Variants in NECAB2 observed in about 807,000 individuals in gnomAD.
The protein encoded by NECAB2 is N-terminal EF-hand calcium binding protein 2, also known as N-terminal EF-hand calcium-binding protein 2.
Under a neutral mutation model 51.9 loss-of-function variants are expected in NECAB2, and 68 were observed. The observed-to-expected ratio is 1.31, with a 90% CI of 1.08 to 1.60. The LOEUF (loss-of-function observed/expected upper bound fraction) is 1.60, where lower values mean the gene tolerates loss of function less well. NECAB2 is among the 40% of genes most tolerant of loss of function. NECAB2 has a pLI of 0.00. For synonymous variants in NECAB2, 329 were observed against 203.5 expected, an observed-to-expected ratio of 1.62 and a Z score of -5.25; for missense variants, 854 against 490.3, an observed-to-expected ratio of 1.74 and a Z score of -7.00.
intron 5 of NECAB2, among the ~76,000 whole-genome samples, chr16:83,989,635 C>T (rs951396796): frequency 3.9e-5 from 6 of 152,116 alleles, no homozygotes; most frequent in African/African-American, 1.4e-4. Context: ...CCCAACACAG[C>T]ATCATTTTCA....
chr16:84,001,418 C>T (rs1195305596), intron 11 of NECAB2, among the ~76,000 whole-genome samples: 7 of 152,278 alleles, frequency 4.6e-5, no homozygotes, highest in Middle Eastern at 6.8e-3. Flanking sequence ...CCAGTGGGAA[C>T]AGGGGCGGTC....
upstream of NECAB2, chr16:83,965,531 G>A (rs138964906): frequency 4.2e-4 from 680 of 1,612,648 alleles, 4 homozygotes; most frequent in African/African-American, 7.4e-3. Flanking sequence ...CCGGGCCGTG[G>A]ACGACCCTGG....
At chr16:83,996,649 G>C (rs991897480) in intron 8 of NECAB2, among the ~76,000 whole-genome samples, 1 of 152,138 alleles carries the variant, frequency 6.6e-6, no homozygotes, top group Non-Finnish European at 1.5e-5. Context: ...TGGCTTTCGT[G>C]CCTTCAGAGC....
chr16:83,988,423 C>G (rs936542567), intron 5 of NECAB2, among the ~76,000 whole-genome samples: 3 of 152,166 alleles, frequency 2.0e-5, no homozygotes, highest in Admixed American at 6.5e-5. Flanking sequence ...TTAACACTTT[C>G]TCTTCCCTTT....
chr16:83,975,485 G>T (rs1408170478), intron 2 of NECAB2, among the ~76,000 whole-genome samples: 1 of 152,138 alleles, frequency 6.6e-6, no homozygotes, highest in Non-Finnish European at 1.5e-5. Context: ...TGCCTCAGGG[G>T]AGCGGGAGAT....
intron 3 of NECAB2, among the ~76,000 whole-genome samples, chr16:83,980,307 T>C (rs1567667200): frequency 6.6e-6 from 1 of 152,116 alleles, no homozygotes; most frequent in Non-Finnish European, 1.5e-5. Context: ...TTCACTGCCA[T>C]GGGGGATAGG....
intron 7 of NECAB2, 58 bp from the exon 8 acceptor site, chr16:83,994,551 C>T (rs968870089): frequency 1.9e-6 from 3 of 1,607,766 alleles, no homozygotes; most frequent in African/African-American, 2.7e-5. Flanking sequence ...TCCAGCTTCC[C>T]CCCGAAGCCC....
At chr16:83,992,377 T>TCCCCACCCCC (rs1555548085) in intron 6 of NECAB2, among the ~76,000 whole-genome samples, 1 of 133,044 alleles carries the variant, frequency 7.5e-6, no homozygotes, top group African/African-American at 3.2e-5. Flanking sequence ...CGAGCACCCG[T>TCCCCACCCCC]CCCCCCGCCC....
chr16:83,975,825 C>T (rs980139963), intron 2 of NECAB2, among the ~76,000 whole-genome samples: 3 of 152,186 alleles, frequency 2.0e-5, no homozygotes, highest in Non-Finnish European at 2.9e-5. Flanking sequence ...CACCTGCAAA[C>T]GGCCCGCTTG....
chr16:83,988,488 C>G (rs1033865370), intron 5 of NECAB2, among the ~76,000 whole-genome samples: 4 of 152,108 alleles, frequency 2.6e-5, no homozygotes, highest in Admixed American at 6.5e-5. Flanking sequence ...GCTTTATTGA[C>G]TAAATCCAAT....
intron 6 of NECAB2, among the ~76,000 whole-genome samples, chr16:83,992,708 A>C (rs1419817973): frequency 1.3e-5 from 2 of 152,132 alleles, no homozygotes; most frequent in Admixed American, 1.3e-4. Context: ...ATTTGCGCTG[A>C]ATCACCTGGG....
chr16:83,995,712 C>T (rs1287720831), intron 8 of NECAB2, among the ~76,000 whole-genome samples: 3 of 152,132 alleles, frequency 2.0e-5, no homozygotes, highest in Non-Finnish European at 4.4e-5. Context: ...CTCAGGCATT[C>T]ATGGGGGCAG....
At chr16:83,991,291 C>G (rs143874370) in intron 6 of NECAB2, among the ~76,000 whole-genome samples, 1 of 151,626 alleles carries the variant, frequency 6.6e-6, no homozygotes, top group Non-Finnish European at 1.5e-5. Context: ...CCTATTTTCT[C>G]TTTCTCTCTC....
At chr16:83,985,433 G>C (rs1166019412) in intron 5 of NECAB2, among the ~76,000 whole-genome samples, 1 of 144,582 alleles carries the variant, frequency 6.9e-6, no homozygotes, top group Admixed American at 7.3e-5. Flanking sequence ...AGGAATTCAA[G>C]ACAAGCCTGG....
intron 6 of NECAB2, 149 bp from the exon 7 acceptor site, chr16:83,994,153 C>A (rs1332977672): frequency 4.2e-6 from 3 of 719,196 alleles, no homozygotes; most frequent in African/African-American, 1.8e-5. Flanking sequence ...ACCTCATTTC[C>A]TCCTCTGTCA....
intron 5 of NECAB2, among the ~76,000 whole-genome samples, chr16:83,986,843 A>G (rs2084563312): frequency 6.6e-6 from 1 of 152,158 alleles, no homozygotes; most frequent in East Asian, 1.9e-4. Flanking sequence ...TCTTTGAATT[A>G]TTATAAATGG....
chr16:83,992,160 G>A (rs2084633738), intron 6 of NECAB2, among the ~76,000 whole-genome samples: 1 of 152,110 alleles, frequency 6.6e-6, no homozygotes. Flanking sequence ...GTAGTAGCAA[G>A]TTGAGAGTTT....
At position 83,997,286 on chromosome 16, in the gene NECAB2, C is replaced by T. The variant is rs568803444; in HGVS notation, c.849+17C>T. 13 of 1,614,046 alleles carry T rather than the reference C, an allele frequency of 8.1e-6. No homozygotes were observed. In the Admixed American group the frequency reaches 1.0e-4, roughly 12 times the overall value. On this transcript the variant is annotated intron_variant, in intron 9 of 12. Transcript: ENST00000305202. ...ACCAACATGGTGAGGCCCCTTCCCA[C>T]CTCTCTTCTGGGACCACATCCCTAC...
chr16:83,972,722 C>G (rs537359299), intron 2 of NECAB2, among the ~76,000 whole-genome samples: 1 of 152,164 alleles, frequency 6.6e-6, no homozygotes, highest in South Asian at 2.1e-4. Context: ...GGCCCTTTTC[C>G]CTTTCTCTCT....
Sources: gnomAD v4.1 joint callset for allele counts (sites outside exome capture counted in the v4.1 genomes callset) on GRCh38, gnomAD v4.1.1 for gene constraint, MANE v1.5 for transcripts, NCBI Gene and HGNC (gene_info 2026-07-23, HGNC 2026-07-21) for gene names.